The following RSAD2 variants were observed in gnomAD, a reference collection of about 807,000 sequenced individuals.
The protein encoded by RSAD2 is radical S-adenosyl methionine domain containing 2.
RSAD2 carries 38 observed loss-of-function variants against 37.7 expected under a neutral mutation model. The observed-to-expected ratio is 1.01, with a 90% CI of 0.78 to 1.32. The LOEUF (loss-of-function observed/expected upper bound fraction) is 1.32. Among genes scored for constraint, RSAD2 ranks in the 40% most tolerant of loss-of-function variants. The probability of loss-of-function intolerance (pLI) is 0.00; values close to 1 mark genes in which losing one functional copy is unlikely to be tolerated. For synonymous variants in RSAD2, 163 were observed against 157.4 expected (o/e 1.04, Z -0.27); for missense variants, 428 against 437.5 (o/e 0.98, Z 0.19).
intron 1 of RSAD2, among the ~76,000 whole-genome samples, chr2:6,879,535 G>A (rs1477244087): frequency 6.6e-6 from 1 of 152,062 alleles, no homozygotes; most frequent in Non-Finnish European, 1.5e-5. Context: ...CTCAAATCTT[G>A]TTGGTGAACT....
upstream of RSAD2, among the ~76,000 whole-genome samples, chr2:6,874,248 G>A (rs1663246116): frequency 6.6e-6 from 1 of 152,042 alleles, no homozygotes. Context: ...GCAGATGCCA[G>A]CATGATGCTT....
chr2:6,868,302 T>C (rs1045873381), intron 1 of RSAD2, among the ~76,000 whole-genome samples: 1 of 152,210 alleles, frequency 6.6e-6, no homozygotes, highest in Admixed American at 6.5e-5. Flanking sequence ...TTTGAAAACA[T>C]GTTTAAACAG....
In RSAD2 at chr2:6,877,953, G is replaced by T; in HGVS notation, c.153G>T (p.Leu51=). ...LLATKRRKQQ[L]VLRGPDETKE... ...CTACCAAGAGGAGAAAGCAGCAGCT[G>T]GTCCTGAGAGGGCCAGATGAGACCA... is the stretch of plus-strand genomic sequence containing the variant. The change falls in exon 1 of 6, where the codon CTG becomes CTT. Residue 51 remains leucine, a synonymous_variant. Coordinates refer to ENST00000382040, the MANE Select transcript of RSAD2 (RefSeq NM_080657.5). 6.2e-7 allele frequency: 1 copy of T among 1,614,144 alleles called. No homozygotes were observed.
At chr2:6,884,947 A>G (rs1041184184) in intron 2 of RSAD2, among the ~76,000 whole-genome samples, 2 of 152,200 alleles carry the variant, frequency 1.3e-5, no homozygotes, top group African/African-American at 4.8e-5. Flanking sequence ...TATCTGGCCC[A>G]TAAGCTGCTG....
upstream of RSAD2, among the ~76,000 whole-genome samples, chr2:6,875,815 G>A (rs545092170): frequency 3.0e-4 from 45 of 152,274 alleles, no homozygotes; most frequent in African/African-American, 1.1e-3. Context: ...AATAGTTGTG[G>A]ATACTCTCAA....
chr2:6,883,014 C>T (rs1377642938), intron 1 of RSAD2, among the ~76,000 whole-genome samples: 5 of 152,182 alleles, frequency 3.3e-5, no homozygotes, highest in Non-Finnish European at 5.9e-5. Context: ...GGATGGGAAA[C>T]GCAGAGTCAG....
chr2:6,869,889 G>C (rs1420635091), intron 1 of RSAD2, among the ~76,000 whole-genome samples: 2 of 152,198 alleles, frequency 1.3e-5, no homozygotes, highest in African/African-American at 4.8e-5. Flanking sequence ...CACGAGTACT[G>C]TGACTTCCTG....
chr2:6,875,639 C>A (rs888776073), upstream of RSAD2, among the ~76,000 whole-genome samples: 1 of 152,196 alleles, frequency 6.6e-6, no homozygotes, highest in Non-Finnish European at 1.5e-5. Context: ...ATATTTTATT[C>A]TCCCAGAAAG....
At chr2:6,883,768 G>T (rs1301416646) in intron 2 of RSAD2, 1 of 531,300 alleles carries the variant, frequency 1.9e-6, no homozygotes, top group Non-Finnish European at 3.4e-6. Context: ...CTTTTACTGA[G>T]ATGACTATCT....
intron 2 of RSAD2, 114 bp from the exon 3 acceptor site, chr2:6,886,821 G>A (rs1663530935): frequency 2.7e-6 from 2 of 741,064 alleles, no homozygotes; most frequent in Non-Finnish European, 4.4e-6. Context: ...TGGGTATAAG[G>A]AAAAGTGTCT....
intron 4 of RSAD2, among the ~76,000 whole-genome samples, chr2:6,892,478 A>G (rs998211006): frequency 6.6e-6 from 1 of 152,184 alleles, no homozygotes; most frequent in Non-Finnish European, 1.5e-5. Context: ...CCTTTGACTC[A>G]TTGCCATTTT....
intron 4 of RSAD2, among the ~76,000 whole-genome samples, chr2:6,892,461 T>G (rs966698755): frequency 6.6e-6 from 1 of 152,236 alleles, no homozygotes; most frequent in Non-Finnish European, 1.5e-5. Context: ...TAAGAGGGAC[T>G]GTTAACCCTT....
At position 6,880,987 on chromosome 2, in the gene RSAD2, C is replaced by T. The variant is rs1253074806; in HGVS notation, c.347-2384C>T. On this transcript the variant is annotated intron_variant, in intron 1 of 5. Coordinates refer to ENST00000382040, the MANE Select transcript of RSAD2 (RefSeq NM_080657.5). ...TCAGATCTGGGCTGTAATATGATCACTCATGTATGTTAACACTATTGTAAA... is the reference window on the plus strand; with the variant it reads ...TCAGATCTGGGCTGTAATATGATCATTCATGTATGTTAACACTATTGTAAA... 2.6e-5 allele frequency among the ~76,000 whole-genome samples: 4 copies of T among 152,040 alleles called. No homozygotes were observed. The East Asian group carries it at 7.7e-4, about 29-fold the overall frequency.
intron 1 of RSAD2, among the ~76,000 whole-genome samples, chr2:6,881,163 C>A (rs1228123201): frequency 6.6e-6 from 1 of 152,168 alleles, no homozygotes; most frequent in Non-Finnish European, 1.5e-5. Flanking sequence ...TCCAGTTTAT[C>A]TGCCACTATA....
chr2:6,886,367 C>T (rs941287150), intron 2 of RSAD2, among the ~76,000 whole-genome samples: 1 of 152,206 alleles, frequency 6.6e-6, no homozygotes, highest in African/African-American at 2.4e-5. Flanking sequence ...ACTTTATTCC[C>T]ACACCAGGCT....
rs6431840 is a variant in RSAD2 at position 6,896,937 on chromosome 2, C to T, written c.*995C>T. On this transcript the variant is annotated 3_prime_UTR_variant, in exon 6 of 6. Coordinates refer to ENST00000382040, the MANE Select transcript of RSAD2 (RefSeq NM_080657.5). ...GCCCTACATCTCTGAGAAGTGACGG[C>T]ACACTGGGTTGGCATAAGATATCCT... 101,466 of 151,430 alleles carry T rather than the reference C, an allele frequency of 0.67. 34,212 individuals are homozygous for T. Among genetic ancestry groups the T allele is most frequent in the East Asian group, 0.78 (3,976 of 5,110 alleles). The allele number at this position is 151,430 out of a possible 1,614,324, so 9.4% of individuals were successfully genotyped here.
At chr2:6,893,922 TC>T (rs1442506831) in intron 5 of RSAD2, among the ~76,000 whole-genome samples, 1 of 152,174 alleles carries the variant, frequency 6.6e-6, no homozygotes, top group African/African-American at 2.4e-5. Flanking sequence ...TCAACCCAGG[TC>T]CCAGCACTGA....
chr2:6,890,392 T>C, intron 4 of RSAD2, 67 bp downstream of exon 4: 1 of 1,552,680 alleles, frequency 6.4e-7, no homozygotes, highest in African/African-American at 1.4e-5. Flanking sequence ...AAGGGAAGTC[T>C]CTCAGCCAAG....
At chr2:6,892,993 A>AT (rs375582992) in intron 4 of RSAD2, among the ~76,000 whole-genome samples, 37 of 152,214 alleles carry the variant, frequency 2.4e-4, no homozygotes, top group African/African-American at 8.2e-4. Flanking sequence ...TATTTTTCTT[A>AT]TGTATCATCT....
Sources: allele counts gnomAD v4.1 joint callset (sites outside exome capture counted in the v4.1 genomes callset), GRCh38; gene constraint gnomAD v4.1.1; transcripts MANE v1.5; gene names NCBI Gene and HGNC (gene_info 2026-07-23, HGNC 2026-07-21).